Variants in CAPZA2 observed in about 807,000 individuals in gnomAD.
CAPZA2 encodes F-actin-capping protein subunit alpha-2.
A neutral mutation model predicts 44.0 loss-of-function variants in CAPZA2; 13 were observed. The observed-to-expected ratio is 0.30, with a 90% CI of 0.19 to 0.47. CAPZA2 has a LOEUF of 0.47. Ranked by LOEUF, CAPZA2 falls within the 20% of genes least tolerant of loss-of-function variation. The pLI is 1.00. For synonymous variants in CAPZA2, 94 were observed against 108.2 expected, an observed-to-expected ratio of 0.87 and a Z score of 0.81; for missense variants, 244 against 338.6, an observed-to-expected ratio of 0.72 and a Z score of 2.19.
At position 116,918,837 on chromosome 7, in the gene CAPZA2, C is replaced by G. The variant is rs922002300; in HGVS notation, c.*970C>G. 2 of 152,094 alleles carry G rather than the reference C, an allele frequency of 1.3e-5. No individual in the cohort carries two copies. Among genetic ancestry groups the G allele is most frequent in the Non-Finnish European group, 2.9e-5 (2 of 68,026 alleles). 9.4% of individuals were successfully genotyped at this position (152,094 alleles called of 1,614,324 possible). A position where few individuals can be genotyped will look rare whatever the true frequency, so the allele number is the denominator to read the frequency against. The stretch of plus-strand genomic sequence containing the variant: ...TTGTAAATTAGAAAAGCTGGGATTA[C>G]ATATGGTGTGCGGTTACAGTCTAAA... On this transcript the variant is annotated 3_prime_UTR_variant, in exon 10 of 10. Transcript: ENST00000361183.
intron 1 of CAPZA2, among the ~76,000 whole-genome samples, chr7:116,881,241 G>T (rs1450980407): frequency 6.6e-6 from 1 of 151,884 alleles, no homozygotes; most frequent in Admixed American, 6.6e-5. Flanking sequence ...CCATATAACA[G>T]TATAATAAAA....
In CAPZA2 at chr7:116,918,018, C is replaced by T. The variant is rs1791703896; in HGVS notation, c.*151C>T. 1.7e-6 allele frequency: 1 copy of T among 577,022 alleles called. No individual in the cohort carries two copies. Among genetic ancestry groups the T allele is most frequent in the South Asian group, 2.3e-5 (1 of 43,038 alleles). The allele number at this position is 577,022 out of a possible 1,614,324, so 35.7% of individuals were successfully genotyped here. A position where few individuals can be genotyped will look rare whatever the true frequency, so the allele number is the denominator to read the frequency against. ...AGTTTGATTAGAGCACAAAGCTTAG[C>T]TAATCAACCATTATTTTTCATTTTG... On this transcript the variant is annotated 3_prime_UTR_variant, in exon 10 of 10. Coordinates refer to ENST00000361183, the MANE Select transcript of CAPZA2 (RefSeq NM_006136.3).
intron 1 of CAPZA2, among the ~76,000 whole-genome samples, chr7:116,864,552 C>G (rs901222014): frequency 1.3e-5 from 2 of 152,094 alleles, no homozygotes; most frequent in African/African-American, 4.8e-5. Context: ...AATTTAAAAA[C>G]TGACAAAACC....
At chr7:116,890,431 G>A (rs1796815884) in intron 2 of CAPZA2, among the ~76,000 whole-genome samples, 1 of 148,348 alleles carries the variant, frequency 6.7e-6, no homozygotes, top group Non-Finnish European at 1.5e-5. Flanking sequence ...AGCGCTTTGG[G>A]AGGCCAAGCC....
chr7:116,869,856 C>T (rs1796528515), intron 1 of CAPZA2, among the ~76,000 whole-genome samples: 1 of 151,514 alleles, frequency 6.6e-6, no homozygotes, highest in African/African-American at 2.4e-5. Context: ...ATGAATTGCA[C>T]ACTTGTTTTT....
chr7:116,862,865 C>T (rs1455365487), intron 1 of CAPZA2, among the ~76,000 whole-genome samples: 1 of 151,626 alleles, frequency 6.6e-6, no homozygotes, highest in African/African-American at 2.4e-5. Flanking sequence ...CTGCTCGCTC[C>T]GCTCCTTGTA....
At position 116,880,049 on chromosome 7, in the gene CAPZA2, AT is replaced by A. The variant is rs369542078; in HGVS notation, c.40-8069del. On this transcript the variant is annotated intron_variant, in intron 1 of 9. Transcript: ENST00000361183. ...TAGGCAGTTTCTCCCGCTCTGATTGATTTTTTTTTCTTCCCAGACTAAGTCA... is the reference window on the plus strand; with the variant it reads ...TAGGCAGTTTCTCCCGCTCTGATTGATTTTTTTTCTTCCCAGACTAAGTCA... The A allele has an allele frequency of 1.2e-4, 57 of 460,676 alleles. 1 individual carries two copies. Among genetic ancestry groups the A allele is most frequent in the Admixed American group, 6.0e-4 (24 of 40,314 alleles). 28.5% of individuals were successfully genotyped at this position (460,676 alleles called of 1,614,324 possible).
In CAPZA2 at chr7:116,866,186, CT is replaced by C. The variant is rs545644928; in HGVS notation, c.39+3553del. On this transcript the variant is annotated intron_variant, in intron 1 of 9. Coordinates refer to ENST00000361183, the MANE Select transcript of CAPZA2 (RefSeq NM_006136.3). The stretch of plus-strand genomic sequence containing the variant: ...AACTTGCTATAGTGTGTCCCATAGA[CT>C]TTTTTTTTTTTTTTTTGAGACGGAG... Among the ~76,000 whole-genome samples, 384 of 141,134 alleles carry C rather than the reference CT, an allele frequency of 2.7e-3. 2 individuals carry two copies. The highest frequency in any genetic ancestry group is 0.011 in the East Asian group (53 of 4,888). The allele number at this position is 141,134 out of a possible 152,430, so 92.6% of individuals were successfully genotyped here.
intron 7 of CAPZA2, among the ~76,000 whole-genome samples, chr7:116,911,276 TTGG>T (rs1173381065): frequency 6.6e-6 from 1 of 152,188 alleles, no homozygotes; most frequent in Non-Finnish European, 1.5e-5. Context: ...TTTTGTTGAA[TTGG>T]TGGACTCTTT....
intron 3 of CAPZA2, among the ~76,000 whole-genome samples, chr7:116,894,246 C>CA (rs1796895161): frequency 1.3e-5 from 2 of 151,892 alleles, no homozygotes; most frequent in Non-Finnish European, 2.9e-5. Flanking sequence ...CCTGTAGTCC[C>CA]AGCTACTTGG....
At chr7:116,901,260 A>G (rs748618053) in intron 4 of CAPZA2, among the ~76,000 whole-genome samples, 24 of 152,166 alleles carry the variant, frequency 1.6e-4, no homozygotes, top group Non-Finnish European at 2.2e-4. Flanking sequence ...ATCAATCTAA[A>G]TATCAGTGAT....
At chr7:116,911,151 T>C (rs1358257092) in intron 7 of CAPZA2, among the ~76,000 whole-genome samples, 1 of 152,162 alleles carries the variant, frequency 6.6e-6, no homozygotes, top group Non-Finnish European at 1.5e-5. Flanking sequence ...CTTACCTGGA[T>C]AATTACAGCA....
At chr7:116,910,807 C>T (rs1441193021) in intron 7 of CAPZA2, among the ~76,000 whole-genome samples, 2 of 151,802 alleles carry the variant, frequency 1.3e-5, no homozygotes, top group African/African-American at 4.8e-5. Flanking sequence ...AGATCAAGAC[C>T]ATCCTGGCTA....
At chr7:116,890,525 AATATATATATATATATATAT>A (rs869031070) in intron 2 of CAPZA2, among the ~76,000 whole-genome samples, 2 of 27,222 alleles carry the variant, frequency 7.3e-5, no homozygotes, top group African/African-American at 3.2e-4. Context: ...AAAAAAAAAA[AATATATATATATATATATAT>A]ATATATATAT....
chr7:116,905,138 C>CA lies in CAPZA2; in HGVS notation c.426+769dup, dbSNP rs1164804320. On this transcript the variant is annotated intron_variant, in intron 5 of 9. Coordinates refer to ENST00000361183, the MANE Select transcript of CAPZA2 (RefSeq NM_006136.3). The stretch of plus-strand genomic sequence containing the variant: ...CAGTCAACAGAGTGAGACTCTGTCT[C>CA]AAAAAAAAAAAAAAGAAAAGAAAAA... Among the ~76,000 whole-genome samples the CA allele has an allele frequency of 7.9e-3, 628 of 79,004 alleles. 2 individuals carry two copies. The highest frequency in any genetic ancestry group is 0.05 in the Middle Eastern group (6 of 120). 51.8% of individuals were successfully genotyped at this position (79,004 alleles called of 152,430 possible).
At chr7:116,912,035 G>A (rs1197605056) in intron 7 of CAPZA2, 34 bp from the exon 8 acceptor site, 8 of 1,609,050 alleles carry the variant, frequency 5.0e-6, no homozygotes, top group Non-Finnish European at 6.8e-6. Flanking sequence ...GATGATTCCT[G>A]TAATGTGGTT....
At chr7:116,897,363 G>C (rs1388731591) in intron 3 of CAPZA2, among the ~76,000 whole-genome samples, 2 of 152,080 alleles carry the variant, frequency 1.3e-5, no homozygotes, top group Non-Finnish European at 2.9e-5. Flanking sequence ...TCTCACCCTT[G>C]TACACTTCTG....
At chr7:116,916,626 A>G (rs538873304) in intron 9 of CAPZA2, among the ~76,000 whole-genome samples, 2 of 150,010 alleles carry the variant, frequency 1.3e-5, no homozygotes, top group African/African-American at 4.8e-5. Context: ...CTCCGTCTCA[A>G]AAAAAAAAAA....
chr7:116,871,093 G>A (rs376949191), intron 1 of CAPZA2, among the ~76,000 whole-genome samples: 1 of 152,188 alleles, frequency 6.6e-6, no homozygotes, highest in Non-Finnish European at 1.5e-5. Context: ...GGGTTAAAGC[G>A]AGATGGGATA....
Sources: gnomAD v4.1 joint callset for allele counts (sites outside exome capture counted in the v4.1 genomes callset) on GRCh38, gnomAD v4.1.1 for gene constraint, MANE v1.5 for transcripts, NCBI Gene and HGNC (gene_info 2026-07-23, HGNC 2026-07-21) for gene names.